The following GCH1 variants were observed in gnomAD, a reference collection of about 807,000 sequenced individuals.
The protein encoded by GCH1 is GTP cyclohydrolase 1.
A neutral mutation model predicts 25.9 loss-of-function variants in GCH1; 5 were observed. The ratio of observed to expected loss-of-function variants is 0.19; its 90% confidence interval spans 0.10 to 0.41. The LOEUF (loss-of-function observed/expected upper bound fraction) is 0.41. Among genes scored for constraint, GCH1 ranks in the 10% least tolerant of loss-of-function variants. The probability of loss-of-function intolerance (pLI) is 1.00; values close to 1 mark genes in which losing one functional copy is unlikely to be tolerated. For missense variants in GCH1, 261 were observed against 336.5 expected, an observed-to-expected ratio of 0.78 and a Z score of 1.75; for synonymous variants, 159 against 129.6, an observed-to-expected ratio of 1.23 and a Z score of -1.54.
intron 1 of GCH1, among the ~76,000 whole-genome samples, chr14:54,891,405 AT>A (rs538686624): frequency 0.14 from 15,690 of 108,918 alleles, 1,059 homozygotes; most frequent in South Asian, 0.23. Context: ...CATGCCTGGC[AT>A]TTTTTTTTTT....
chr14:54,889,057 G>A lies in GCH1; in HGVS notation c.343+13264C>T, dbSNP rs551617587. ...GCAGCATGGGATAAGTATGGCCTCCGTGGAGGCAAAGCCTGACAGCACTAA... is the reference window on the plus strand; with the variant it reads ...GCAGCATGGGATAAGTATGGCCTCCATGGAGGCAAAGCCTGACAGCACTAA... On this transcript the variant is annotated intron_variant, in intron 1 of 5. Transcript: ENST00000491895. Among the ~76,000 whole-genome samples, 28 of 152,300 alleles carry A rather than the reference G, an allele frequency of 1.8e-4. No individual in the cohort carries two copies. The South Asian group carries it at 4.8e-3, about 26-fold the overall frequency.
intron 1 of GCH1, among the ~76,000 whole-genome samples, chr14:54,871,759 C>G (rs1299168511): frequency 6.6e-6 from 1 of 151,728 alleles, no homozygotes; most frequent in African/African-American, 2.4e-5. Flanking sequence ...GATGGAAGAT[C>G]AAATGAATGA....
At chr14:54,877,687 G>A (rs2040183302) in intron 1 of GCH1, among the ~76,000 whole-genome samples, 1 of 151,896 alleles carries the variant, frequency 6.6e-6, no homozygotes, top group Admixed American at 6.6e-5. Flanking sequence ...TAGAGATGGG[G>A]TTTCGTCATG....
intron 1 of GCH1, among the ~76,000 whole-genome samples, chr14:54,900,465 G>A (rs2040549499): frequency 6.6e-6 from 1 of 152,098 alleles, no homozygotes. Flanking sequence ...GCCCACCTCG[G>A]CCTCCCAAAG....
chr14:54,880,416 AATAT>A (rs962085206), intron 1 of GCH1, among the ~76,000 whole-genome samples: 5 of 120,660 alleles, frequency 4.1e-5, no homozygotes, highest in South Asian at 5.5e-4. Context: ...TAATATATAA[AATAT>A]ATATATACTC....
At chr14:54,847,847 A>G (rs1445454040) in intron 3 of GCH1, among the ~76,000 whole-genome samples, 1 of 152,124 alleles carries the variant, frequency 6.6e-6, no homozygotes, top group Non-Finnish European at 1.5e-5. Flanking sequence ...TTAAAGTTCC[A>G]AATCATCAAT....
chr14:54,859,885 C>A, intron 2 of GCH1, 149 bp from the exon 3 acceptor site: 1 of 651,184 alleles, frequency 1.5e-6, no homozygotes, highest in South Asian at 1.7e-5. Flanking sequence ...ACTGTTAAGA[C>A]TTAGAAAATG....
At chr14:54,865,922 G>A (rs2039983535) in intron 1 of GCH1, among the ~76,000 whole-genome samples, 1 of 152,062 alleles carries the variant, frequency 6.6e-6, no homozygotes, top group Non-Finnish European at 1.5e-5. Flanking sequence ...AATTCCCCAA[G>A]TAATTTTCTA....
chr14:54,898,153 G>A (rs899116425), intron 1 of GCH1, among the ~76,000 whole-genome samples: 2 of 152,186 alleles, frequency 1.3e-5, no homozygotes, highest in African/African-American at 4.8e-5. Context: ...ACCAAGAGGA[G>A]AGGATCACTT....
At chr14:54,854,464 A>T (rs2039779075) in intron 3 of GCH1, among the ~76,000 whole-genome samples, 1 of 152,226 alleles carries the variant, frequency 6.6e-6, no homozygotes, top group East Asian at 1.9e-4. Context: ...CCTCACCCCA[A>T]AATACACTCC....
In GCH1 at chr14:54,843,707, G is replaced by GA. The variant is rs547596660; in HGVS notation, c.*309dup. On this transcript the variant is annotated 3_prime_UTR_variant, in exon 6 of 6. Transcript: ENST00000491895. ...TATGAGGCAAATTACTGTACTATTT[G>GA]AAAAAAATACACTAATTCTTCTCCC... 1.2e-6 allele frequency: 2 copies of GA among 1,609,776 alleles called. No homozygotes were observed. Among genetic ancestry groups the GA allele is most frequent in the South Asian group, 1.1e-5 (1 of 89,746 alleles).
intron 2 of GCH1, among the ~76,000 whole-genome samples, chr14:54,861,651 A>G (rs1288952467): frequency 6.6e-6 from 1 of 151,514 alleles, no homozygotes; most frequent in Non-Finnish European, 1.5e-5. Context: ...TGAACCTGGG[A>G]GGCGGAGGTT....
In GCH1 at chr14:54,865,441, A is replaced by G. The variant is rs1277806614; in HGVS notation, c.344-5T>C. ...ATATAGCATCGTTTAGGACATCTGA[A>G]ATCAGAGGCTTGCTTTAGTAACATG... is the stretch of plus-strand genomic sequence containing the variant. On this transcript the variant is annotated splice_polypyrimidine_tract_variant and splice_region_variant and intron_variant, in intron 1 of 5. Transcript: ENST00000491895. 3 of 1,379,038 alleles carry G rather than the reference A, an allele frequency of 2.2e-6. No individual in the cohort carries two copies. Among genetic ancestry groups the G allele is most frequent in the Admixed American group, 3.4e-5 (2 of 59,554 alleles). The allele number at this position is 1,379,038 out of a possible 1,614,324, so 85.4% of individuals were successfully genotyped here.
At chr14:54,869,491 T>C (rs909228743) in intron 1 of GCH1, among the ~76,000 whole-genome samples, 4 of 152,146 alleles carry the variant, frequency 2.6e-5, no homozygotes, top group Admixed American at 6.5e-5. Context: ...ATAAAAACTT[T>C]CTTTTTGAAA....
intron 2 of GCH1, among the ~76,000 whole-genome samples, chr14:54,860,761 G>A (rs777124881): frequency 6.6e-5 from 10 of 151,984 alleles, no homozygotes; most frequent in African/African-American, 1.9e-4. Context: ...GGATGGTTTC[G>A]ATCTCCTGAC....
chr14:54,869,548 T>C (rs2040039386), intron 1 of GCH1, among the ~76,000 whole-genome samples: 1 of 152,160 alleles, frequency 6.6e-6, no homozygotes, highest in Non-Finnish European at 1.5e-5. Context: ...TGGCACAATC[T>C]CAGCTCACTG....
intron 1 of GCH1, among the ~76,000 whole-genome samples, chr14:54,876,644 A>ACAGAAC (rs1275319669): frequency 6.6e-6 from 1 of 152,152 alleles, no homozygotes; most frequent in Non-Finnish European, 1.5e-5. Flanking sequence ...AGCCTGGGTG[A>ACAGAAC]CAGAACAAGT....
At chr14:54,865,514 T>C in intron 1 of GCH1, 78 bp from the exon 2 acceptor site, 1 of 746,282 alleles carries the variant, frequency 1.3e-6, no homozygotes, top group Non-Finnish European at 2.4e-6. Context: ...GAATAGACAG[T>C]CAACATAAAC....
chr14:54,857,244 T>C (rs1047753800), intron 3 of GCH1, among the ~76,000 whole-genome samples: 1 of 152,204 alleles, frequency 6.6e-6, no homozygotes, highest in African/African-American at 2.4e-5. Context: ...AATAATCAAC[T>C]CCTTTGTATT....
Sources: allele counts gnomAD v4.1 joint callset (sites outside exome capture counted in the v4.1 genomes callset), GRCh38; gene constraint gnomAD v4.1.1; transcripts MANE v1.5; gene names NCBI Gene and HGNC (gene_info 2026-07-23, HGNC 2026-07-21).